The following ATP8A2 variants were observed in gnomAD, a reference collection of about 807,000 sequenced individuals.
ATP8A2 encodes the protein ATPase phospholipid transporting 8A2, also known as phospholipid-transporting ATPase IB.
Under a neutral mutation model 165.6 loss-of-function variants are expected in ATP8A2, and 100 were observed. That is an observed-to-expected ratio of 0.60 (90% CI 0.51 to 0.71). ATP8A2 has a LOEUF of 0.71. Ranked by LOEUF, ATP8A2 falls within the 30% of genes least tolerant of loss-of-function variation. The probability of loss-of-function intolerance (pLI) is 0.00; values close to 1 mark genes in which losing one functional copy is unlikely to be tolerated. For missense variants in ATP8A2, 1,227 were observed against 1,479.5 expected (o/e 0.83, Z 2.80); for synonymous variants, 543 against 548.8 (o/e 0.99, Z 0.15).
At chr13:25,955,054 AG>A (rs1955487821) in intron 33 of ATP8A2, among the ~76,000 whole-genome samples, 1 of 152,222 alleles carries the variant, frequency 6.6e-6, no homozygotes, top group Admixed American at 6.5e-5. Flanking sequence ...AACTCCTCTG[AG>A]CTAAAGGAGC....
At chr13:25,780,290 CCATAA>C (rs1190419979) in intron 27 of ATP8A2, among the ~76,000 whole-genome samples, 5 of 151,986 alleles carry the variant, frequency 3.3e-5, no homozygotes, top group African/African-American at 1.2e-4. Context: ...CAAAGAATAA[CCATAA>C]CATATGTATA....
chr13:25,391,838 C>T (rs538144608), intron 1 of ATP8A2, among the ~76,000 whole-genome samples: 1 of 152,254 alleles, frequency 6.6e-6, no homozygotes, highest in East Asian at 1.9e-4. Context: ...ATGGAGGGTT[C>T]AGGGAAAATC....
chr13:25,491,020 C>T lies in ATP8A2; in HGVS notation c.221+21899C>T, dbSNP rs142072243. Among the ~76,000 whole-genome samples the T allele has an allele frequency of 4.5e-3, 687 of 152,168 alleles. 7 individuals carry two copies. The highest frequency in any genetic ancestry group is 7.5e-3 in the Non-Finnish European group (510 of 68,020). On this transcript the variant is annotated intron_variant, in intron 2 of 36. Coordinates refer to ENST00000381655, the MANE Select transcript of ATP8A2 (RefSeq NM_016529.6). ...TCAGCCTCCCAAGTTGCTGGGATTA[C>T]AGTCACAAGCCTGGCTACTTTTAAA...
intron 24 of ATP8A2, among the ~76,000 whole-genome samples, chr13:25,597,490 A>T (rs143026402): frequency 2.6e-4 from 40 of 152,358 alleles, no homozygotes; most frequent in African/African-American, 9.1e-4. Context: ...GCCTATGGAG[A>T]GGGCCATGTG....
At chr13:25,694,145 TC>T (rs1185482311) in intron 24 of ATP8A2, among the ~76,000 whole-genome samples, 1 of 152,214 alleles carries the variant, frequency 6.6e-6, no homozygotes, top group Non-Finnish European at 1.5e-5. Context: ...ATCCAGTCTA[TC>T]CTCATGTGTG....
chr13:25,633,064 AAAAAG>A (rs1241332229), intron 24 of ATP8A2, among the ~76,000 whole-genome samples: 1 of 152,216 alleles, frequency 6.6e-6, no homozygotes, highest in African/African-American at 2.4e-5. Flanking sequence ...CAAAGTATTG[AAAAAG>A]AAGATTCTGC....
chr13:25,932,355 G>A (rs986236762), intron 33 of ATP8A2, among the ~76,000 whole-genome samples: 20 of 152,204 alleles, frequency 1.3e-4, no homozygotes, highest in Admixed American at 6.5e-4. Context: ...CTGTTTTGTC[G>A]CAGCTTCCCG....
chr13:25,487,087 G>A (rs1479345932), intron 2 of ATP8A2, among the ~76,000 whole-genome samples: 2 of 152,162 alleles, frequency 1.3e-5, no homozygotes, highest in African/African-American at 4.8e-5. Context: ...AACTAAAAAG[G>A]TGAATTGTTT....
intron 25 of ATP8A2, among the ~76,000 whole-genome samples, chr13:25,746,811 A>G (rs1361923808): frequency 1.3e-5 from 2 of 152,238 alleles, no homozygotes; most frequent in Non-Finnish European, 2.9e-5. Flanking sequence ...GTGAAAGCCA[A>G]TTTTTATAAC....
chr13:25,979,948 C>T lies in ATP8A2; in HGVS notation c.3377+11269C>T, dbSNP rs145285062. ...AACAGTCAGAGTAATCAGAGAAAAGCGTAACAGACTTATTTGTCAAAGTTT... is the reference window on the plus strand; with the variant it reads ...AACAGTCAGAGTAATCAGAGAAAAGTGTAACAGACTTATTTGTCAAAGTTT... On this transcript the variant is annotated intron_variant, in intron 35 of 36. Coordinates refer to ENST00000381655, the MANE Select transcript of ATP8A2 (RefSeq NM_016529.6). 6.5e-3 allele frequency among the ~76,000 whole-genome samples: 984 copies of T among 152,302 alleles called. 5 individuals are homozygous for T. The highest frequency in any genetic ancestry group is 0.027 in the Middle Eastern group (8 of 294).
chr13:25,995,415 AT>A lies in ATP8A2; in HGVS notation c.3378-17108del, dbSNP rs1013493480. Among the ~76,000 whole-genome samples, 134 of 150,548 alleles carry A rather than the reference AT, an allele frequency of 8.9e-4. 2 individuals carry two copies. Among genetic ancestry groups the A allele is most frequent in the African/African-American group, 3.2e-3 (130 of 41,100 alleles). On this transcript the variant is annotated intron_variant, in intron 35 of 36. Coordinates refer to ENST00000381655, the MANE Select transcript of ATP8A2 (RefSeq NM_016529.6). ...TCATGTGAGAACTTGGAATTCTTTAATTTTTTTTAATATATAGATTAACTGC... is the reference window on the plus strand; with the variant it reads ...TCATGTGAGAACTTGGAATTCTTTAATTTTTTTAATATATAGATTAACTGC...
chr13:25,792,904 C>CA (rs959311858), intron 27 of ATP8A2, among the ~76,000 whole-genome samples: 4 of 122,716 alleles, frequency 3.3e-5, no homozygotes, highest in East Asian at 2.6e-4. Flanking sequence ...GACCCTGTCT[C>CA]AAAAAAAAGA....
intron 34 of ATP8A2, among the ~76,000 whole-genome samples, chr13:25,965,969 A>C (rs1042274230): frequency 6.9e-6 from 1 of 144,602 alleles, no homozygotes; most frequent in African/African-American, 2.5e-5. Context: ...TTAGAATTAT[A>C]TGTTTCCTTT....
At chr13:25,592,095 T>G (rs145420877) in intron 24 of ATP8A2, among the ~76,000 whole-genome samples, 92 of 152,258 alleles carry the variant, frequency 6.0e-4, no homozygotes, top group Admixed American at 9.8e-4. Flanking sequence ...AGTTTTGATT[T>G]GTATTTCCCT....
intron 33 of ATP8A2, among the ~76,000 whole-genome samples, chr13:25,955,277 A>G (rs1955492349): frequency 6.6e-6 from 1 of 152,248 alleles, no homozygotes; most frequent in South Asian, 2.1e-4. Context: ...GTAAGATCAG[A>G]GCAGAACTGA....
At chr13:25,732,878 GTTATTGAAAT>G (rs1367457721) in intron 25 of ATP8A2, among the ~76,000 whole-genome samples, 2 of 152,034 alleles carry the variant, frequency 1.3e-5, no homozygotes, top group African/African-American at 4.8e-5. Flanking sequence ...ACATTTGGAA[GTTATTGAAAT>G]TTATTGAAAA....
chr13:25,794,460 T>G (rs1950455602), intron 27 of ATP8A2, among the ~76,000 whole-genome samples: 1 of 152,174 alleles, frequency 6.6e-6, no homozygotes. Context: ...TGATTCCACT[T>G]ATTTGACATT....
At chr13:25,858,725 G>A (rs1593460185) in intron 30 of ATP8A2, among the ~76,000 whole-genome samples, 1 of 152,150 alleles carries the variant, frequency 6.6e-6, no homozygotes, top group Non-Finnish European at 1.5e-5. Flanking sequence ...TTGAACACAA[G>A]CATCCTTATC....
At chr13:25,698,621 G>A (rs1725365839) in intron 24 of ATP8A2, among the ~76,000 whole-genome samples, 1 of 152,092 alleles carries the variant, frequency 6.6e-6, no homozygotes, top group South Asian at 2.1e-4. Context: ...AAGGCTGGTA[G>A]TAGTGTTTTG....
Sources: allele counts gnomAD v4.1 joint callset (sites outside exome capture counted in the v4.1 genomes callset), GRCh38; gene constraint gnomAD v4.1.1; transcripts MANE v1.5; gene names NCBI Gene and HGNC (gene_info 2026-07-23, HGNC 2026-07-21).